HIPK3: variants seen among roughly 807,000 people sequenced by gnomAD.
HIPK3 encodes the protein homeodomain interacting protein kinase 3.
Under a neutral mutation model 124.2 loss-of-function variants are expected in HIPK3, and 47 were observed. The observed-to-expected ratio is 0.38, with a 90% CI of 0.30 to 0.48. HIPK3 has a LOEUF of 0.48. HIPK3 is among the 20% of genes least tolerant of loss of function. The pLI is 0.98. For synonymous variants in HIPK3, 482 were observed against 515.2 expected, an observed-to-expected ratio of 0.94 and a Z score of 0.87; for missense variants, 1,286 against 1,454.3, an observed-to-expected ratio of 0.88 and a Z score of 1.88.
intron 2 of HIPK3, among the ~76,000 whole-genome samples, chr11:33,310,099 A>G (rs1229301033): frequency 6.6e-6 from 1 of 151,954 alleles, no homozygotes; most frequent in Non-Finnish European, 1.5e-5. Context: ...GGTTTTTGGC[A>G]TTTGATTATA....
intron 1 of HIPK3, among the ~76,000 whole-genome samples, chr11:33,261,113 C>T (rs929991506): frequency 1.7e-4 from 21 of 123,552 alleles, no homozygotes; most frequent in African/African-American, 5.9e-4. Flanking sequence ...TATATATATA[C>T]ATAAAATATA....
At chr11:33,267,622 AGT>A (rs1491026170) in intron 1 of HIPK3, among the ~76,000 whole-genome samples, 1,555 of 151,086 alleles carry the variant, frequency 0.01, 8 homozygotes, top group Non-Finnish European at 0.015. Flanking sequence ...TGGCCTCCTG[AGT>A]AGCTGGGACT....
Position 33,286,659 on chromosome 11 carries a change from C to T in HIPK3, c.245C>T (p.Ala82Val). 1 of 1,614,138 alleles carries T rather than the reference C, an allele frequency of 6.2e-7. No homozygotes were observed. Among genetic ancestry groups the T allele is most frequent in the Non-Finnish European group, 8.5e-7 (1 of 1,180,026 alleles). ...RGHNFSLQTS[A>V]VVLKNTAGAT... ...CACAACTTTTCATTGCAGACAAGTG[C>T]TGTTGTTTTGAAAAACACTGCAGGT... Residue 82 changes from alanine (A) to valine (V), a missense_variant, in exon 2 of 17, where the codon GCT becomes GTT. Physicochemically the swap from Ala to Val is moderately conservative, Grantham distance 64. Around this residue, in one of 3 missense-constraint regions of HIPK3, gnomAD observed 225 missense variants for 240.3 expected, o/e 0.94. Transcript: ENST00000303296.
chr11:33,314,882 A>G (rs189921838), intron 2 of HIPK3, among the ~76,000 whole-genome samples: 144 of 152,338 alleles, frequency 9.5e-4, no homozygotes, highest in African/African-American at 3.4e-3. Context: ...ATAGTCAGAT[A>G]AATTTAAGAC....
rs1852714457 is a variant in HIPK3, at chr11:33,323,185, A to G, written c.1098-5325A>G. ...TAAAACATGGTTGAACACTGAAAACATTATGCCAAGTGAAAGAAGCCAGTC... is the reference window on the plus strand; with the variant it reads ...TAAAACATGGTTGAACACTGAAAACGTTATGCCAAGTGAAAGAAGCCAGTC... On this transcript the variant is annotated intron_variant, in intron 2 of 16. Transcript: ENST00000303296. Among the ~76,000 whole-genome samples, 5 of 152,372 alleles carry G rather than the reference A, an allele frequency of 3.3e-5. No homozygotes were observed. In the South Asian group the frequency reaches 8.3e-4, roughly 25 times the overall value.
intron 2 of HIPK3, among the ~76,000 whole-genome samples, chr11:33,295,307 G>A (rs912559905): frequency 6.9e-5 from 1 of 14,492 alleles, no homozygotes; most frequent in African/African-American, 2.5e-4. Flanking sequence ...CCCCATCCCC[G>A]CCCATGGCAT....
intron 1 of HIPK3, among the ~76,000 whole-genome samples, chr11:33,265,278 C>T (rs192567158): frequency 6.6e-6 from 1 of 152,142 alleles, no homozygotes; most frequent in Admixed American, 6.5e-5. Flanking sequence ...TCAATGGAGA[C>T]AGTAAGATGT....
chr11:33,300,428 G>A (rs1590375231), intron 2 of HIPK3, among the ~76,000 whole-genome samples: 1 of 151,954 alleles, frequency 6.6e-6, no homozygotes, highest in Non-Finnish European at 1.5e-5. Flanking sequence ...CAACATTAAG[G>A]TGAGACCCTC....
intron 4 of HIPK3, among the ~76,000 whole-genome samples, chr11:33,337,669 T>G (rs1304411133): frequency 6.6e-6 from 1 of 150,888 alleles, no homozygotes; most frequent in Admixed American, 6.6e-5. Flanking sequence ...TCCTTCTCTC[T>G]CTCTTTCTCT....
chr11:33,327,343 G>A (rs889478624), intron 2 of HIPK3, among the ~76,000 whole-genome samples: 1 of 152,078 alleles, frequency 6.6e-6, no homozygotes, highest in Admixed American at 6.6e-5. Context: ...CCCACACTGA[G>A]GGACGTTTCT....
At chr11:33,315,196 T>C (rs1483210286) in intron 2 of HIPK3, among the ~76,000 whole-genome samples, 1 of 152,194 alleles carries the variant, frequency 6.6e-6, no homozygotes. Context: ...TCTCTCTTGA[T>C]ATATGTTAGT....
chr11:33,347,682 AC>A lies in HIPK3; in HGVS notation c.2077del (p.Leu693TrpfsTer8). 6.2e-7 allele frequency: 1 copy of A among 1,614,130 alleles called. No individual in the cohort carries two copies. The highest frequency in any genetic ancestry group is 8.5e-7 in the Non-Finnish European group (1 of 1,180,012). Reference sequence around the variant, plus strand: ...TGGTGCCTGCCTGGCAACAGGTGACACCCCTGGCTCCTGCTACTACTACACT... The same window carrying A: ...TGGTGCCTGCCTGGCAACAGGTGACACCCTGGCTCCTGCTACTACTACACT... Reference protein sequence around the residue: ...MLVPAWQQVTPLAPATTTLTS... With the variant: ...MLVPAWQQVTXLAPATTTLTS... On this transcript the variant is annotated frameshift_variant, in exon 10 of 17. Coordinates refer to ENST00000303296, the MANE Select transcript of HIPK3 (RefSeq NM_005734.5). LOFTEE classifies it high-confidence loss of function.
intron 13 of HIPK3, 32 bp downstream of exon 13, chr11:33,348,850 A>G (rs771575702): frequency 4.4e-6 from 7 of 1,581,028 alleles, no homozygotes; most frequent in Admixed American, 3.4e-5. Context: ...CTCAAAGGAT[A>G]TAGATGGCAT....
intron 1 of HIPK3, among the ~76,000 whole-genome samples, chr11:33,266,089 A>G (rs905417941): frequency 3.3e-5 from 5 of 149,566 alleles, no homozygotes; most frequent in Non-Finnish European, 7.4e-5. Flanking sequence ...AAACAAACCT[A>G]TTTTATCTAG....
At chr11:33,301,044 A>G (rs1851984538) in intron 2 of HIPK3, among the ~76,000 whole-genome samples, 1 of 152,198 alleles carries the variant, frequency 6.6e-6, no homozygotes, top group Admixed American at 6.5e-5. Flanking sequence ...CTGTTTGTAT[A>G]TTAAAATCAT....
chr11:33,311,332 T>C (rs981866819), intron 2 of HIPK3, among the ~76,000 whole-genome samples: 1 of 152,158 alleles, frequency 6.6e-6, no homozygotes, highest in Admixed American at 6.5e-5. Context: ...ACCACAGGCA[T>C]GTGCCACTAC....
chr11:33,348,075 G>T (rs1853552242), intron 11 of HIPK3, 62 bp downstream of exon 11: 13 of 1,607,616 alleles, frequency 8.1e-6, no homozygotes, highest in Non-Finnish European at 1.0e-5. Flanking sequence ...AATTTTGCAT[G>T]TACTCTAAAG....
chr11:33,352,155 T>C lies in HIPK3; in HGVS notation c.3061T>C (p.Leu1021=). 1 of 1,613,736 alleles carries C rather than the reference T, an allele frequency of 6.2e-7. No homozygotes were observed. Among genetic ancestry groups the C allele is most frequent in the Non-Finnish European group, 8.5e-7 (1 of 1,179,626 alleles). ...MANTDSICQP[L]IKGRSAPGRL... is the part of the protein sequence containing the mutation. ...GTCGCCAGATTCTATATGCCAGCCA[T>C]TAATAAAAGGACGATCTGCCCCTGG... The change falls in exon 16 of 17, where the codon TTA becomes CTA. Residue 1021 remains leucine, a synonymous_variant. Transcript: ENST00000303296.
In HIPK3 at chr11:33,351,769, C is replaced by A. The variant is rs201934152; in HGVS notation, c.2969C>A (p.Ala990Asp). ...VSSADTETKPAVCSVVVPPVE... is the reference protein window; with the variant it reads ...VSSADTETKPDVCSVVVPPVE... Reference sequence around the variant, plus strand: ...TCTGCTGACACAGAAACCAAGCCAGCTGTCTGTTCTGTTGTGGTGCCACCA... The same window carrying A: ...TCTGCTGACACAGAAACCAAGCCAGATGTCTGTTCTGTTGTGGTGCCACCA... Residue 990 changes from alanine (A) to aspartate (D), a missense_variant, in exon 15 of 17, where the codon GCT (alanine) becomes GAT (aspartate). Physicochemically the swap from Ala to Asp is moderately radical, Grantham distance 126. Around this residue, in one of 3 missense-constraint regions of HIPK3, gnomAD observed 810 missense variants for 864.9 expected, o/e 0.94. Transcript: ENST00000303296. 9.9e-6 allele frequency: 16 copies of A among 1,614,100 alleles called. No homozygotes were observed. The highest frequency in any genetic ancestry group is 1.2e-5 in the Non-Finnish European group (14 of 1,180,038).
Sources: allele counts gnomAD v4.1 joint callset (sites outside exome capture counted in the v4.1 genomes callset), GRCh38; gene constraint gnomAD v4.1.1; regional missense constraint gnomAD v4.1.1; transcripts MANE v1.5; gene names NCBI Gene and HGNC (gene_info 2026-07-23, HGNC 2026-07-21).